The following POLN variants were observed in gnomAD, a reference collection of about 807,000 sequenced individuals.
POLN encodes DNA polymerase nu, also known as DNA polymerase N.
In POLN, 108 loss-of-function variants were observed where a neutral mutation model predicts 113.5. The observed-to-expected ratio is 0.95, with a 90% CI of 0.81 to 1.12. The LOEUF is 1.12. Ranked by LOEUF, POLN falls within the 50% of genes most tolerant of loss-of-function variation. POLN has a pLI of 0.00. For synonymous variants in POLN, 386 were observed against 391.5 expected (o/e 0.99, Z 0.17); for missense variants, 1,097 against 1,077.1 (o/e 1.02, Z -0.26).
At chr4:2,224,176 T>C (rs1306809248) in intron 3 of POLN, among the ~76,000 whole-genome samples, 1 of 152,216 alleles carries the variant, frequency 6.6e-6, no homozygotes, top group Non-Finnish European at 1.5e-5. Context: ...TTCTTAACTT[T>C]CTTAAAACTA....
At chr4:2,120,181 G>A (rs1731406694) in intron 19 of POLN, among the ~76,000 whole-genome samples, 1 of 152,144 alleles carries the variant, frequency 6.6e-6, no homozygotes, top group Non-Finnish European at 1.5e-5. Context: ...AATATCAGGT[G>A]GGGTGATTCC....
intron 23 of POLN, among the ~76,000 whole-genome samples, chr4:2,078,258 C>G (rs1348315059): frequency 6.6e-6 from 1 of 152,258 alleles, no homozygotes; most frequent in South Asian, 2.1e-4. Context: ...AAGAGACAGA[C>G]AGGACAGCCG....
At chr4:2,238,664 G>T in intron 2 of POLN, 1 of 1,612,914 alleles carries the variant, frequency 6.2e-7, no homozygotes, top group South Asian at 1.1e-5. Context: ...TTGAGAAACT[G>T]ATGGATCTGT....
chr4:2,230,712 A>C (rs1041762785), intron 2 of POLN: 2 of 152,078 alleles, frequency 1.3e-5, no homozygotes, highest in Non-Finnish European at 1.5e-5. Context: ...TAGTTTTTAG[A>C]TTGGCATTCC....
At chr4:2,118,517 A>G (rs533865788) in intron 19 of POLN, among the ~76,000 whole-genome samples, 1 of 152,232 alleles carries the variant, frequency 6.6e-6, no homozygotes, top group Non-Finnish European at 1.5e-5. Context: ...CTGTTGGCCC[A>G]TCTCTGCCTA....
At chr4:2,165,355 A>G (rs1421539553) in intron 13 of POLN, among the ~76,000 whole-genome samples, 2 of 152,244 alleles carry the variant, frequency 1.3e-5, no homozygotes, top group East Asian at 3.8e-4. Flanking sequence ...TTCCAATTTT[A>G]TAACATTCTG....
chr4:2,131,984 A>T lies in POLN; in HGVS notation c.1732-694T>A, dbSNP rs868549942. 4.6e-5 allele frequency among the ~76,000 whole-genome samples: 7 copies of T among 152,344 alleles called. No individual in the cohort carries two copies. The South Asian group carries it at 1.4e-3, about 32-fold the overall frequency. ...GGAATAGAACTCACTGGGCATTATT[A>T]GTTGGTCTTGACTCCCTGGCTAAAT... is the stretch of plus-strand genomic sequence containing the variant. On this transcript the variant is annotated intron_variant, in intron 16 of 25. Transcript: ENST00000511885.
At chr4:2,128,022 T>A (rs1361744789) in intron 19 of POLN, 91 bp downstream of exon 19, 3 of 806,714 alleles carry the variant, frequency 3.7e-6, no homozygotes, top group Admixed American at 5.3e-5. Flanking sequence ...AATTTCTGCC[T>A]TATGAAAGTA....
intron 19 of POLN, among the ~76,000 whole-genome samples, chr4:2,101,484 G>A (rs577188392): frequency 5.9e-5 from 9 of 152,344 alleles, no homozygotes; most frequent in South Asian, 2.1e-4. Flanking sequence ...CCCCAGTACC[G>A]GAGGGGGTGA....
intron 14 of POLN, among the ~76,000 whole-genome samples, chr4:2,158,768 G>A (rs953089934): frequency 2.6e-5 from 4 of 152,200 alleles, no homozygotes; most frequent in Admixed American, 6.5e-5. Context: ...AAATGTAAGT[G>A]CAAGATGACA....
chr4:2,121,167 G>T (rs942003400), intron 19 of POLN, among the ~76,000 whole-genome samples: 3 of 152,112 alleles, frequency 2.0e-5, no homozygotes, highest in African/African-American at 7.2e-5. Context: ...GGGTGTGGTA[G>T]CTCATGCCTG....
In POLN at chr4:2,081,762, A is replaced by G. The variant is rs1316759388; in HGVS notation, c.2198-19T>C. On this transcript the variant is annotated intron_variant, in intron 21 of 25. Coordinates refer to ENST00000511885, the MANE Select transcript of POLN (RefSeq NM_181808.4). Reference sequence around the variant, plus strand: ...ACACAGCCTGAGTCACACAGAGCAAAAGTAGATGAGGGACAGAAACAGGCA... The same window carrying G: ...ACACAGCCTGAGTCACACAGAGCAAGAGTAGATGAGGGACAGAAACAGGCA... 3 of 1,608,256 alleles carry G rather than the reference A, an allele frequency of 1.9e-6. No homozygotes were observed. Among genetic ancestry groups the G allele is most frequent in the Non-Finnish European group, 2.6e-6 (3 of 1,174,998 alleles).
Position 2,137,635 on chromosome 4 carries a change from C to T in POLN, c.1732-6345G>A, listed in dbSNP as rs559099815. 5.3e-5 allele frequency among the ~76,000 whole-genome samples: 8 copies of T among 152,280 alleles called. No homozygotes were observed. In the South Asian group the frequency reaches 1.7e-3, roughly 32 times the overall value. ...CCTGATACACTCCCGTGGCCCCCCTCACCCACTAAAGCTTCTGCTCAGCTG... is the reference window on the plus strand; with the variant it reads ...CCTGATACACTCCCGTGGCCCCCCTTACCCACTAAAGCTTCTGCTCAGCTG... On this transcript the variant is annotated intron_variant, in intron 16 of 25. Transcript: ENST00000511885.
intron 3 of POLN, among the ~76,000 whole-genome samples, chr4:2,217,612 A>G (rs907556969): frequency 1.3e-5 from 2 of 151,628 alleles, no homozygotes; most frequent in Non-Finnish European, 2.9e-5. Flanking sequence ...AGGGCCCAGT[A>G]GCATGACAGT....
At chr4:2,183,979 G>C (rs996341736) in intron 7 of POLN, among the ~76,000 whole-genome samples, 1 of 150,526 alleles carries the variant, frequency 6.6e-6, no homozygotes, top group Non-Finnish European at 1.5e-5. Flanking sequence ...TCAGCCTCCT[G>C]AGTAGCTGGA....
intron 20 of POLN, among the ~76,000 whole-genome samples, chr4:2,092,597 C>T (rs943599740): frequency 6.6e-6 from 1 of 152,228 alleles, no homozygotes; most frequent in Non-Finnish European, 1.5e-5. Context: ...GGCATCTCCC[C>T]TGCCTCTCAC....
At chr4:2,206,512 T>A (rs900741252) in intron 5 of POLN, among the ~76,000 whole-genome samples, 1 of 152,184 alleles carries the variant, frequency 6.6e-6, no homozygotes, top group African/African-American at 2.4e-5. Context: ...GACAAAGGAC[T>A]AATATCCAGA....
intron 19 of POLN, among the ~76,000 whole-genome samples, chr4:2,098,414 G>T (rs1437690874): frequency 6.6e-6 from 1 of 152,156 alleles, no homozygotes; most frequent in Non-Finnish European, 1.5e-5. Context: ...GTAAGACCCT[G>T]TCTAAGTGAA....
intron 7 of POLN, among the ~76,000 whole-genome samples, chr4:2,183,220 C>G (rs979061030): frequency 6.6e-6 from 1 of 152,170 alleles, no homozygotes; most frequent in Non-Finnish European, 1.5e-5. Context: ...AATGGTGCAG[C>G]CTTGTTGGAA....
Sources: gnomAD v4.1 joint callset for allele counts (sites outside exome capture counted in the v4.1 genomes callset) on GRCh38, gnomAD v4.1.1 for gene constraint, MANE v1.5 for transcripts, NCBI Gene and HGNC (gene_info 2026-07-23, HGNC 2026-07-21) for gene names.